Variants in MACROD2 observed in about 807,000 individuals in gnomAD.
MACROD2 encodes the protein mono-ADP ribosylhydrolase 2.
MACROD2 carries 36 observed loss-of-function variants against 70.4 expected under a neutral mutation model. That is an observed-to-expected ratio of 0.51 (90% CI 0.39 to 0.68). MACROD2 has a LOEUF of 0.68. Ranked by LOEUF, MACROD2 falls within the 30% of genes least tolerant of loss-of-function variation. The pLI, the probability that MACROD2 is intolerant of heterozygous loss-of-function variation, is 0.00. For missense variants in MACROD2, 496 were observed against 538.4 expected (o/e 0.92, Z 0.78); for synonymous variants, 172 against 178.8 (o/e 0.96, Z 0.30).
chr20:14,414,623 C>T (rs1429384744), intron 3 of MACROD2, among the ~76,000 whole-genome samples: 1 of 152,186 alleles, frequency 6.6e-6, no homozygotes. Flanking sequence ...CTTCAACCCT[C>T]TAAAGGGCCC....
intron 13 of MACROD2, among the ~76,000 whole-genome samples, chr20:15,969,093 T>A (rs2066190154): frequency 6.6e-6 from 1 of 151,962 alleles, no homozygotes; most frequent in South Asian, 2.1e-4. Flanking sequence ...ATACGTAACC[T>A]AGCAGGAAGA....
At chr20:14,322,632 G>A (rs1281168701) in intron 3 of MACROD2, among the ~76,000 whole-genome samples, 1 of 152,076 alleles carries the variant, frequency 6.6e-6, no homozygotes, top group African/African-American at 2.4e-5. Flanking sequence ...AAGACAGAGT[G>A]TTGGGAAACA....
At chr20:14,217,179 C>T (rs2081630242) in intron 3 of MACROD2, among the ~76,000 whole-genome samples, 2 of 151,924 alleles carry the variant, frequency 1.3e-5, no homozygotes, top group Admixed American at 6.6e-5. Flanking sequence ...AAGGTATGTC[C>T]CTTGTATGCC....
chr20:15,946,970 T>C (rs2065832401), intron 12 of MACROD2, among the ~76,000 whole-genome samples: 1 of 152,114 alleles, frequency 6.6e-6, no homozygotes, highest in Admixed American at 6.5e-5. Context: ...TAAGGGAAGG[T>C]ACTATGCCTG....
chr20:15,657,577 A>G (rs1274516056), intron 8 of MACROD2, among the ~76,000 whole-genome samples: 2 of 152,210 alleles, frequency 1.3e-5, no homozygotes, highest in African/African-American at 4.8e-5. Flanking sequence ...CTCTAATGGT[A>G]AAAATGTATG....
At chr20:15,220,115 A>T (rs1382653615) in intron 5 of MACROD2, among the ~76,000 whole-genome samples, 1 of 151,474 alleles carries the variant, frequency 6.6e-6, no homozygotes, top group Non-Finnish European at 1.5e-5. Context: ...ATTTTTGATG[A>T]GGTTTTGATG....
chr20:15,423,837 G>A (rs1279004634), intron 6 of MACROD2, among the ~76,000 whole-genome samples: 2 of 151,608 alleles, frequency 1.3e-5, no homozygotes, highest in Non-Finnish European at 2.9e-5. Flanking sequence ...ACTCGGTTCG[G>A]GATGCATAAC....
At chr20:14,552,925 A>G (rs1282018477) in intron 4 of MACROD2, among the ~76,000 whole-genome samples, 2 of 152,156 alleles carry the variant, frequency 1.3e-5, no homozygotes, top group Non-Finnish European at 2.9e-5. Context: ...ACATTGCTGT[A>G]TACTACTGTA....
chr20:15,888,893 G>A (rs532197200), intron 10 of MACROD2, among the ~76,000 whole-genome samples: 2 of 152,208 alleles, frequency 1.3e-5, no homozygotes, highest in South Asian at 2.1e-4. Flanking sequence ...TGTCAGTCTC[G>A]AAGATGAGTC....
chr20:15,135,329 A>C (rs1291801388), intron 5 of MACROD2, among the ~76,000 whole-genome samples: 4 of 151,856 alleles, frequency 2.6e-5, no homozygotes, highest in South Asian at 4.2e-4. Context: ...AATACTGGCA[A>C]AGCGAATCCA....
chr20:15,153,754 G>C (rs113362091), intron 5 of MACROD2, among the ~76,000 whole-genome samples: 1 of 152,092 alleles, frequency 6.6e-6, no homozygotes, highest in Non-Finnish European at 1.5e-5. Flanking sequence ...GTCTCTATTG[G>C]GTGAGTAGGG....
At chr20:14,261,775 A>G (rs2082103230) in intron 3 of MACROD2, among the ~76,000 whole-genome samples, 1 of 152,182 alleles carries the variant, frequency 6.6e-6, no homozygotes, top group Admixed American at 6.6e-5. Flanking sequence ...TCTGTCTACA[A>G]TATACTTTAC....
chr20:14,552,685 A>G (rs1978738469), intron 4 of MACROD2, among the ~76,000 whole-genome samples: 2 of 152,096 alleles, frequency 1.3e-5, no homozygotes, highest in Non-Finnish European at 2.9e-5. Context: ...CTAGGCTACA[A>G]ACTTGTACAG....
At chr20:15,421,443 C>T (rs1475126839) in intron 6 of MACROD2, among the ~76,000 whole-genome samples, 1 of 152,076 alleles carries the variant, frequency 6.6e-6, no homozygotes, top group African/African-American at 2.4e-5. Context: ...AATTTACACA[C>T]AGCCTACATA....
intron 5 of MACROD2, among the ~76,000 whole-genome samples, chr20:15,089,526 A>G (rs1012294571): frequency 2.0e-5 from 3 of 152,112 alleles, no homozygotes; most frequent in Non-Finnish European, 4.4e-5. Context: ...CTTTTATCTG[A>G]TTTTAATTCT....
At chr20:15,342,907 C>T (rs1299806489) in intron 6 of MACROD2, among the ~76,000 whole-genome samples, 2 of 152,110 alleles carry the variant, frequency 1.3e-5, no homozygotes, top group African/African-American at 4.8e-5. Context: ...TTTTGCTGTG[C>T]GATTTCCACC....
At chr20:14,479,143 A>T (rs947982721) in intron 3 of MACROD2, among the ~76,000 whole-genome samples, 6 of 152,106 alleles carry the variant, frequency 3.9e-5, no homozygotes, top group Non-Finnish European at 5.9e-5. Context: ...TTGTTGAGAC[A>T]GGATGCCTCC....
chr20:15,893,488 G>T (rs994950948), intron 10 of MACROD2: 4 of 350,226 alleles, frequency 1.1e-5, no homozygotes, highest in Non-Finnish European at 2.2e-5. Flanking sequence ...ACATACCTTT[G>T]CATTTTTGCA....
intron 7 of MACROD2, among the ~76,000 whole-genome samples, chr20:15,468,349 G>T (rs748098111): frequency 6.6e-6 from 1 of 152,048 alleles, no homozygotes; most frequent in Non-Finnish European, 1.5e-5. Context: ...GGAAGAAATT[G>T]GGTTTAGCCT....
Sources: allele counts gnomAD v4.1 joint callset (sites outside exome capture counted in the v4.1 genomes callset), GRCh38; gene constraint gnomAD v4.1.1; transcripts MANE v1.5; gene names NCBI Gene and HGNC (gene_info 2026-07-23, HGNC 2026-07-21).